NTNG1: variants seen among roughly 807,000 people sequenced by gnomAD.
NTNG1 encodes the protein netrin G1.
Under a neutral mutation model 54.0 loss-of-function variants are expected in NTNG1, and 16 were observed. The ratio of observed to expected loss-of-function variants is 0.30; its 90% confidence interval spans 0.20 to 0.45. The LOEUF (loss-of-function observed/expected upper bound fraction) is 0.45. NTNG1 is among the 20% of genes least tolerant of loss of function. The pLI, the probability that NTNG1 is intolerant of heterozygous loss-of-function variation, is 1.00. For missense variants in NTNG1, 530 were observed against 678.7 expected (o/e 0.78, Z 2.43); for synonymous variants, 255 against 263.1 (o/e 0.97, Z 0.30).
chr1:107,314,785 G>A (rs977975422), intron 2 of NTNG1, among the ~76,000 whole-genome samples: 1 of 152,154 alleles, frequency 6.6e-6, no homozygotes, highest in Non-Finnish European at 1.5e-5. Flanking sequence ...CTGGACTCGT[G>A]TCCTGACTTT....
intron 2 of NTNG1, among the ~76,000 whole-genome samples, chr1:107,249,694 T>C (rs1662459796): frequency 6.6e-6 from 1 of 152,206 alleles, no homozygotes; most frequent in South Asian, 2.1e-4. Context: ...TATTAGCATG[T>C]TAAGGACTTC....
Position 107,312,587 on chromosome 1 carries a change from A to G in NTNG1, c.247-11695A>G, listed in dbSNP as rs373566903. On this transcript the variant is annotated intron_variant, in intron 2 of 7. Transcript: ENST00000370068. Reference sequence around the variant, plus strand: ...AGAGCCATGCCTCTTAACAAACACTATACCAGTGCGAATTGAAGTGTGGGC... The same window carrying G: ...AGAGCCATGCCTCTTAACAAACACTGTACCAGTGCGAATTGAAGTGTGGGC... 1.4e-4 allele frequency among the ~76,000 whole-genome samples: 21 copies of G among 152,236 alleles called. No individual in the cohort carries two copies. In the East Asian group the frequency reaches 2.1e-3, roughly 15 times the overall value.
rs888401138 is a variant in NTNG1 at position 107,483,963 on chromosome 1, A to G, written c.*3123A>G. Reference sequence around the variant, plus strand: ...GTCCAGCAAAGAGGGGACCTTGCTTAGAGAGACCCATTCTGACTCTCCTCC... The same window carrying G: ...GTCCAGCAAAGAGGGGACCTTGCTTGGAGAGACCCATTCTGACTCTCCTCC... On this transcript the variant is annotated 3_prime_UTR_variant, in exon 8 of 8. Transcript: ENST00000370068. Among the ~76,000 whole-genome samples the G allele has an allele frequency of 1.3e-5, 2 of 151,774 alleles. No individual in the cohort carries two copies. Among genetic ancestry groups the G allele is most frequent in the African/African-American group, 4.9e-5 (2 of 41,056 alleles).
chr1:107,475,407 C>A (rs1678249178), intron 7 of NTNG1, among the ~76,000 whole-genome samples: 1 of 152,312 alleles, frequency 6.6e-6, no homozygotes, highest in African/African-American at 2.4e-5. Context: ...CTAAAGTTTC[C>A]TGCAAGCTCT....
intron 2 of NTNG1, among the ~76,000 whole-genome samples, chr1:107,178,794 G>A (rs965885644): frequency 6.6e-6 from 1 of 152,184 alleles, no homozygotes; most frequent in Non-Finnish European, 1.5e-5. Context: ...GTTTCACTAA[G>A]TTAAGCCATG....
At chr1:107,187,809 G>A (rs1657577462) in intron 2 of NTNG1, among the ~76,000 whole-genome samples, 1 of 152,144 alleles carries the variant, frequency 6.6e-6, no homozygotes, top group South Asian at 2.1e-4. Context: ...AGCAAGGGCA[G>A]AATGACTTTG....
At chr1:107,368,530 T>G (rs189021467) in intron 3 of NTNG1, among the ~76,000 whole-genome samples, 1 of 152,340 alleles carries the variant, frequency 6.6e-6, no homozygotes, top group Admixed American at 6.5e-5. Flanking sequence ...CTAAGTTGAC[T>G]GTGATTCACT....
chr1:107,414,581 T>G (rs561523067), intron 5 of NTNG1, among the ~76,000 whole-genome samples: 1 of 152,284 alleles, frequency 6.6e-6, no homozygotes, highest in South Asian at 2.1e-4. Flanking sequence ...CTTTTTAACT[T>G]ATCAGATCAC....
At chr1:107,209,619 A>G (rs1659466783) in intron 2 of NTNG1, among the ~76,000 whole-genome samples, 1 of 152,192 alleles carries the variant, frequency 6.6e-6, no homozygotes. Context: ...CCACATTAAT[A>G]GGTCCAGGGA....
At chr1:107,328,527 T>C (rs1668092018) in intron 3 of NTNG1, among the ~76,000 whole-genome samples, 1 of 152,108 alleles carries the variant, frequency 6.6e-6, no homozygotes, top group Non-Finnish European at 1.5e-5. Context: ...AAATTAGAAG[T>C]AAATGTTTGT....
chr1:107,324,414 C>G lies in NTNG1; in HGVS notation c.379C>G (p.Pro127Ala). ...FWQSATWKEY[P>A]KPLQVNITLS... is the part of the protein sequence containing the mutation. ...GCAGTCTGCCACTTGGAAGGAGTAT[C>G]CCAAGCCTCTCCAGGTTAACATCAC... Residue 127 changes from proline (P) to alanine (A), a missense_variant, in exon 3 of 8, where the codon CCC (proline) becomes GCC (alanine). This residue lies in a region of NTNG1 where 318 missense variants were observed against 465.1 expected (regional missense o/e 0.68). Transcript: ENST00000370068. The G allele has an allele frequency of 6.2e-7, 1 of 1,613,824 alleles. No homozygotes were observed.
At chr1:107,213,415 A>G (rs12063860) in intron 2 of NTNG1, among the ~76,000 whole-genome samples, 75 of 152,258 alleles carry the variant, frequency 4.9e-4, no homozygotes, top group African/African-American at 1.8e-3. Context: ...CCAGCATTAC[A>G]GATGGGAGTA....
chr1:107,171,316 T>C (rs1248296202), intron 2 of NTNG1, among the ~76,000 whole-genome samples: 1 of 152,152 alleles, frequency 6.6e-6, no homozygotes, highest in Non-Finnish European at 1.5e-5. Context: ...ATATTTATAA[T>C]GATAACCCTT....
At chr1:107,231,234 A>G (rs975288435) in intron 2 of NTNG1, among the ~76,000 whole-genome samples, 1 of 152,206 alleles carries the variant, frequency 6.6e-6, no homozygotes, top group African/African-American at 2.4e-5. Context: ...ATTCTAATTA[A>G]TAAGCTCAAT....
chr1:107,417,949 G>A (rs1674326797), intron 5 of NTNG1, among the ~76,000 whole-genome samples: 2 of 151,966 alleles, frequency 1.3e-5, no homozygotes, highest in African/African-American at 2.4e-5. Flanking sequence ...CATATTTTGA[G>A]GTAAAGGCAT....
chr1:107,232,315 A>G (rs4611049), intron 2 of NTNG1, among the ~76,000 whole-genome samples: 8,039 of 152,292 alleles, frequency 0.053, 278 homozygotes, highest in Middle Eastern at 0.082. Context: ...CCCCACCGCT[A>G]AAGAAACCAC....
chr1:107,430,068 T>G (rs1361247094), intron 5 of NTNG1, among the ~76,000 whole-genome samples: 1 of 152,206 alleles, frequency 6.6e-6, no homozygotes. Flanking sequence ...GGAGGGAATC[T>G]TAAAAGCACC....
intron 3 of NTNG1, among the ~76,000 whole-genome samples, chr1:107,369,854 TAC>T (rs1670814074): frequency 6.6e-6 from 1 of 152,124 alleles, no homozygotes; most frequent in Non-Finnish European, 1.5e-5. Context: ...TGTAAAAATG[TAC>T]AGTTTTAGGT....
At chr1:107,395,352 A>G (rs746191917) in intron 4 of NTNG1, 26 bp downstream of exon 4, 25 of 1,595,020 alleles carry the variant, frequency 1.6e-5, no homozygotes, top group Non-Finnish European at 1.9e-5. Flanking sequence ...TGGTAACAGC[A>G]TATTCTGTGC....
Sources: gnomAD v4.1 joint callset for allele counts (sites outside exome capture counted in the v4.1 genomes callset) on GRCh38, gnomAD v4.1.1 for gene constraint, gnomAD v4.1.1 regional missense constraint, MANE v1.5 for transcripts, NCBI Gene and HGNC (gene_info 2026-07-23, HGNC 2026-07-21) for gene names.